AUTS2: variants seen among roughly 807,000 people sequenced by gnomAD.
AUTS2 encodes the protein autism susceptibility gene 2 protein.
In AUTS2, 17 loss-of-function variants were observed where a neutral mutation model predicts 112.4. The ratio of observed to expected loss-of-function variants is 0.15; its 90% CI spans 0.10 to 0.23. The LOEUF (loss-of-function observed/expected upper bound fraction) is 0.23. Among genes scored for constraint, AUTS2 ranks in the 10% least tolerant of loss-of-function variants. The pLI is 1.00. For missense variants in AUTS2, 1,510 were observed against 1,701.6 expected, an observed-to-expected ratio of 0.89 and a Z score of 1.98; for synonymous variants, 751 against 702.7, an observed-to-expected ratio of 1.07 and a Z score of -1.09.
At chr7:70,468,404 A>C (rs1386038711) in intron 5 of AUTS2, among the ~76,000 whole-genome samples, 1 of 152,222 alleles carries the variant, frequency 6.6e-6, no homozygotes, top group Non-Finnish European at 1.5e-5. Context: ...GGAAAGGTAT[A>C]GAATTTTCTT....
At chr7:70,692,277 G>A in intron 5 of AUTS2, among the ~76,000 whole-genome samples, 1 of 152,188 alleles carries the variant, frequency 6.6e-6, no homozygotes, top group East Asian at 1.9e-4. Flanking sequence ...ATGCCATCGT[G>A]CTCTCAGTTT....
intron 4 of AUTS2, among the ~76,000 whole-genome samples, chr7:70,194,971 A>T (rs1323453490): frequency 1.3e-5 from 2 of 152,146 alleles, no homozygotes; most frequent in Non-Finnish European, 2.9e-5. Flanking sequence ...AGTACCTATA[A>T]TATTTCTTCA....
At chr7:70,005,574 C>T (rs192122561) in intron 2 of AUTS2, among the ~76,000 whole-genome samples, 1 of 152,186 alleles carries the variant, frequency 6.6e-6, no homozygotes, top group East Asian at 1.9e-4. Flanking sequence ...CAGGCATGTG[C>T]TGTTCGAGTT....
intron 4 of AUTS2, among the ~76,000 whole-genome samples, chr7:70,356,828 A>G (rs1040587441): frequency 2.0e-5 from 3 of 151,964 alleles, no homozygotes; most frequent in African/African-American, 7.3e-5. Flanking sequence ...TTTATGATGG[A>G]TAGAAGTGGC....
intron 5 of AUTS2, among the ~76,000 whole-genome samples, chr7:70,535,023 C>T (rs1800257278): frequency 7.2e-6 from 1 of 138,266 alleles, no homozygotes. Context: ...AAACTATCAC[C>T]ATCTATTTCA....
intron 4 of AUTS2, among the ~76,000 whole-genome samples, chr7:70,271,085 C>T (rs1017649918): frequency 3.9e-5 from 6 of 152,024 alleles, no homozygotes; most frequent in South Asian, 4.1e-4. Flanking sequence ...ACAAGTGTTG[C>T]GAGCATCTGA....
At chr7:70,373,491 G>C (rs887271659) in intron 4 of AUTS2, among the ~76,000 whole-genome samples, 1 of 152,004 alleles carries the variant, frequency 6.6e-6, no homozygotes, top group African/African-American at 2.4e-5. Context: ...CTGAGAATTT[G>C]CTTGTTTATA....
intron 5 of AUTS2, among the ~76,000 whole-genome samples, chr7:70,551,520 G>T (rs1444938313): frequency 6.6e-6 from 1 of 152,112 alleles, no homozygotes; most frequent in Non-Finnish European, 1.5e-5. Flanking sequence ...CAGTAGGGGG[G>T]CATTCCTATA....
At chr7:70,681,820 C>A (rs536278545) in intron 5 of AUTS2, among the ~76,000 whole-genome samples, 41 of 152,304 alleles carry the variant, frequency 2.7e-4, no homozygotes, top group African/African-American at 9.6e-4. Flanking sequence ...CCTCTCCCAG[C>A]AGATCCAACC....
At chr7:70,688,037 C>G (rs1808557187) in intron 5 of AUTS2, among the ~76,000 whole-genome samples, 1 of 152,202 alleles carries the variant, frequency 6.6e-6, no homozygotes, top group Non-Finnish European at 1.5e-5. Context: ...AGTTCTCCAT[C>G]CTAGGACCCT....
intron 6 of AUTS2, among the ~76,000 whole-genome samples, chr7:70,751,865 C>T (rs1270816087): frequency 2.0e-5 from 3 of 151,658 alleles, no homozygotes; most frequent in East Asian, 1.9e-4. Context: ...GGATTGCAGG[C>T]GCGTGACACC....
intron 1 of AUTS2, among the ~76,000 whole-genome samples, chr7:69,792,801 A>G (rs1789673931): frequency 6.6e-6 from 1 of 151,988 alleles, no homozygotes. Flanking sequence ...CTTCATCAAC[A>G]TGCCCTACTC....
At chr7:69,692,037 A>G (rs7810785) in intron 1 of AUTS2, among the ~76,000 whole-genome samples, 5,715 of 152,170 alleles carry the variant, frequency 0.038, 161 homozygotes, top group Middle Eastern at 0.082. Context: ...TTAGAGCTTG[A>G]AGCTGAGAGC....
At chr7:69,778,227 C>CATATAT (rs1411002679) in intron 1 of AUTS2, among the ~76,000 whole-genome samples, 3 of 139,028 alleles carry the variant, frequency 2.2e-5, no homozygotes, top group African/African-American at 5.4e-5. Flanking sequence ...GCCTTATCCC[C>CATATAT]ATATATATAT....
intron 5 of AUTS2, among the ~76,000 whole-genome samples, chr7:70,543,236 T>A (rs1800626302): frequency 6.6e-6 from 1 of 152,200 alleles, no homozygotes; most frequent in Non-Finnish European, 1.5e-5. Context: ...GTGTGGTGGC[T>A]AATGCTTGTA....
intron 1 of AUTS2, among the ~76,000 whole-genome samples, chr7:69,894,005 G>C (rs1236503723): frequency 6.6e-6 from 1 of 152,138 alleles, no homozygotes; most frequent in Non-Finnish European, 1.5e-5. Flanking sequence ...GTCAGTCTCT[G>C]AGCCTCTCCA....
rs556456203 is a variant in AUTS2, at chr7:69,965,965, C to T, written c.522+66467C>T. 2.0e-5 allele frequency among the ~76,000 whole-genome samples: 3 copies of T among 152,212 alleles called. No homozygotes were observed. The South Asian group carries it at 6.2e-4, about 32-fold the overall frequency. On this transcript the variant is annotated intron_variant, in intron 2 of 18. Coordinates refer to ENST00000342771, the MANE Select transcript of AUTS2 (RefSeq NM_015570.4). ...GGACAATGCTTCTTCAAAATTATTA[C>T]AGGGAAGTTTATAATAATGGTGACT... is the stretch of plus-strand genomic sequence containing the variant.
rs137876132 is a variant in AUTS2 at position 69,698,016 on chromosome 7, C to A, written c.309+98054C>A. Among the ~76,000 whole-genome samples the A allele has an allele frequency of 4.8e-3, 738 of 152,250 alleles. 7 individuals are homozygous for A. Among genetic ancestry groups the A allele is most frequent in the Admixed American group, 8.8e-3 (135 of 15,296 alleles). ...ACCTGAAGACAAAGAGAAGGGAGAA[C>A]AGGATGTTACTTTTAGAAACTCCTG... On this transcript the variant is annotated intron_variant, in intron 1 of 18. Transcript: ENST00000342771.
intron 1 of AUTS2, among the ~76,000 whole-genome samples, chr7:69,738,377 C>T (rs1278317896): frequency 6.6e-6 from 1 of 152,086 alleles, no homozygotes; most frequent in East Asian, 1.9e-4. Flanking sequence ...CACAATGACC[C>T]TGGGGAGCAG....
Sources: allele counts gnomAD v4.1 joint callset (sites outside exome capture counted in the v4.1 genomes callset), GRCh38; gene constraint gnomAD v4.1.1; transcripts MANE v1.5; gene names NCBI Gene and HGNC (gene_info 2026-07-23, HGNC 2026-07-21).